PIK3AP1: variants seen among roughly 807,000 people sequenced by gnomAD.
The protein encoded by PIK3AP1 is phosphoinositide 3-kinase adapter protein 1.
A neutral mutation model predicts 88.1 loss-of-function variants in PIK3AP1; 21 were observed. That is an observed-to-expected ratio of 0.24 (90% confidence interval 0.17 to 0.34). PIK3AP1 has a LOEUF of 0.34. Ranked by LOEUF, PIK3AP1 falls within the 10% of genes least tolerant of loss-of-function variation. The pLI, the probability that PIK3AP1 is intolerant of heterozygous loss-of-function variation, is 1.00. For missense variants in PIK3AP1, 828 were observed against 1,035.7 expected (o/e 0.80, Z 2.75); for synonymous variants, 398 against 400.0 (o/e 1.00, Z 0.06).
At chr10:96,663,022 T>C (rs1309557239) in intron 2 of PIK3AP1, among the ~76,000 whole-genome samples, 1 of 151,612 alleles carries the variant, frequency 6.6e-6, no homozygotes, top group Non-Finnish European at 1.5e-5. Context: ...AACATTATGC[T>C]AAGTGAAAGA....
intron 2 of PIK3AP1, among the ~76,000 whole-genome samples, chr10:96,693,974 A>C (rs1174119701): frequency 6.6e-6 from 1 of 152,240 alleles, no homozygotes; most frequent in Non-Finnish European, 1.5e-5. Flanking sequence ...CCTGGGCTCT[A>C]GGATACCATT....
In PIK3AP1 at chr10:96,651,135, A is replaced by T. The variant is rs1843531147; in HGVS notation, c.988+113T>A. On this transcript the variant is annotated intron_variant, in intron 6 of 16. Coordinates refer to ENST00000339364, the MANE Select transcript of PIK3AP1 (RefSeq NM_152309.3). ...CCTTATCACAGGATAGGTTATAGAG[A>T]AGGGACCCAGAAGAGTTACAGCAGA... is the stretch of plus-strand genomic sequence containing the variant. 2.2e-6 allele frequency: 3 copies of T among 1,386,614 alleles called. No homozygotes were observed. In the East Asian group the frequency reaches 6.9e-5, roughly 32 times the overall value. The allele number at this position is 1,386,614 out of a possible 1,614,324, so 85.9% of individuals were successfully genotyped here. A position where few individuals can be genotyped will look rare whatever the true frequency, so the allele number is the denominator to read the frequency against.
At chr10:96,628,572 G>T (rs1333064431) in intron 8 of PIK3AP1, 79 bp from the exon 9 acceptor site, 2 of 1,157,552 alleles carry the variant, frequency 1.7e-6, no homozygotes, top group African/African-American at 3.1e-5. Context: ...GAACTATGAG[G>T]TTTGGCAACT....
intron 3 of PIK3AP1, among the ~76,000 whole-genome samples, 153 bp from the exon 4 acceptor site, chr10:96,652,995 C>T (rs1242166997): frequency 6.6e-6 from 1 of 152,058 alleles, no homozygotes; most frequent in Non-Finnish European, 1.5e-5. Flanking sequence ...GGGCAGTGAA[C>T]TGTTTGCTAC....
chr10:96,667,441 G>A (rs1332386424), intron 2 of PIK3AP1, among the ~76,000 whole-genome samples: 3 of 152,164 alleles, frequency 2.0e-5, no homozygotes, highest in African/African-American at 4.8e-5. Flanking sequence ...TAGGAACTAC[G>A]CAAAACACAA....
intron 10 of PIK3AP1, among the ~76,000 whole-genome samples, chr10:96,626,391 C>G (rs186784714): frequency 9.8e-5 from 15 of 152,298 alleles, no homozygotes; most frequent in African/African-American, 3.6e-4. Context: ...TGATAGATTT[C>G]AATAAATGTT....
Position 96,606,602 on chromosome 10 carries a change from G to C in PIK3AP1, c.2171-2553C>G, listed in dbSNP as rs550229330. On this transcript the variant is annotated intron_variant, in intron 14 of 16. Coordinates refer to ENST00000339364, the MANE Select transcript of PIK3AP1 (RefSeq NM_152309.3). Reference sequence around the variant, plus strand: ...CCTCTAGGCTACACAGTTGTTAGGAGACTCTGGCCCTAGCTCCCATCATCT... The same window carrying C: ...CCTCTAGGCTACACAGTTGTTAGGACACTCTGGCCCTAGCTCCCATCATCT... Among the ~76,000 whole-genome samples, 15 of 152,324 alleles carry C rather than the reference G, an allele frequency of 9.8e-5. No homozygotes were observed. The East Asian group carries it at 1.5e-3, about 16-fold the overall frequency.
intron 2 of PIK3AP1, among the ~76,000 whole-genome samples, chr10:96,687,248 T>G (rs940999879): frequency 9.4e-5 from 8 of 85,034 alleles, no homozygotes; most frequent in African/African-American, 4.2e-4. Context: ...AGAGCGATAC[T>G]CCATCTCAAA....
chr10:96,678,489 C>T (rs918308808), intron 2 of PIK3AP1, among the ~76,000 whole-genome samples: 5 of 152,068 alleles, frequency 3.3e-5, no homozygotes, highest in South Asian at 2.1e-4. Context: ...AGGTTGGTCT[C>T]GAACTCCTGG....
intron 1 of PIK3AP1, among the ~76,000 whole-genome samples, chr10:96,711,810 G>A (rs1311442161): frequency 1.5e-5 from 2 of 136,254 alleles, no homozygotes; most frequent in Non-Finnish European, 3.0e-5. Context: ...GAGCGCAGTG[G>A]CACGATCTCG....
intron 16 of PIK3AP1, among the ~76,000 whole-genome samples, chr10:96,597,374 C>T (rs10882823): frequency 0.29 from 2,653 of 9,198 alleles, 168 homozygotes; most frequent in Middle Eastern, 0.54. Flanking sequence ...CTCTCTCTCT[C>T]TCTTTCTTTC....
intron 2 of PIK3AP1, among the ~76,000 whole-genome samples, chr10:96,688,909 T>G (rs1245555619): frequency 6.6e-6 from 1 of 150,970 alleles, no homozygotes; most frequent in Admixed American, 6.6e-5. Context: ...ATCTTTCACG[T>G]AGGTAGGATC....
At chr10:96,656,500 G>A (rs1053548857) in intron 3 of PIK3AP1, among the ~76,000 whole-genome samples, 1 of 152,162 alleles carries the variant, frequency 6.6e-6, no homozygotes, top group Non-Finnish European at 1.5e-5. Context: ...TAGGGTTAGC[G>A]TTAGTGTCTG....
At chr10:96,710,097 G>A (rs61856809) in intron 1 of PIK3AP1, 114 bp from the exon 2 acceptor site, 177,682 of 1,029,204 alleles carry the variant, frequency 0.17, 16,379 homozygotes, top group East Asian at 0.28. Context: ...ACAATCTTTC[G>A]TGGTGTGCCT....
chr10:96,652,095 G>A (rs1017008556), intron 4 of PIK3AP1, among the ~76,000 whole-genome samples: 2 of 152,088 alleles, frequency 1.3e-5, no homozygotes, highest in Non-Finnish European at 2.9e-5. Context: ...TCATGACTAC[G>A]CACTCTCCCT....
intron 1 of PIK3AP1, among the ~76,000 whole-genome samples, chr10:96,716,678 C>T (rs1230361568): frequency 5.9e-5 from 9 of 152,212 alleles, no homozygotes; most frequent in Admixed American, 6.5e-5. Context: ...AGCAATAATC[C>T]TCTTCCTTTA....
At chr10:96,680,666 T>C (rs1383697887) in intron 2 of PIK3AP1, among the ~76,000 whole-genome samples, 1 of 152,252 alleles carries the variant, frequency 6.6e-6, no homozygotes, top group Non-Finnish European at 1.5e-5. Flanking sequence ...TGCATAATAT[T>C]CCACAGTGTA....
chr10:96,628,618 T>C, intron 8 of PIK3AP1, 125 bp from the exon 9 acceptor site: 1 of 783,794 alleles, frequency 1.3e-6, no homozygotes, highest in Non-Finnish European at 2.1e-6. Context: ...AATCTATCCA[T>C]CCCTCCATCC....
intron 2 of PIK3AP1, among the ~76,000 whole-genome samples, chr10:96,700,257 T>G (rs1188689569): frequency 6.7e-6 from 1 of 150,052 alleles, no homozygotes; most frequent in Non-Finnish European, 1.5e-5. Context: ...AGAGGCCGAG[T>G]TTACCACCCC....
Sources: allele counts gnomAD v4.1 joint callset (sites outside exome capture counted in the v4.1 genomes callset), GRCh38; gene constraint gnomAD v4.1.1; transcripts MANE v1.5; gene names NCBI Gene and HGNC (gene_info 2026-07-23, HGNC 2026-07-21).